The following SIRT1 variants were observed in gnomAD, a reference collection of about 807,000 sequenced individuals.
SIRT1 encodes the protein NAD-dependent protein deacetylase sirtuin-1.
In SIRT1, 24 loss-of-function variants were observed where a neutral mutation model predicts 67.9. The observed-to-expected ratio is 0.35, with a 90% CI of 0.26 to 0.50. SIRT1 has a LOEUF of 0.50. SIRT1 is among the 20% of genes least tolerant of loss of function. SIRT1 has a pLI of 0.98. For synonymous variants in SIRT1, 378 were observed against 350.7 expected, an observed-to-expected ratio of 1.08 and a Z score of -0.87; for missense variants, 873 against 937.2, an observed-to-expected ratio of 0.93 and a Z score of 0.89.
At position 67,916,764 on chromosome 10, in the gene SIRT1, C is replaced by A; in HGVS notation, c.*171C>A. On this transcript the variant is annotated 3_prime_UTR_variant, in exon 9 of 9. Transcript: ENST00000212015. ...TGGATAATTTTTAACTTCATTATTT[C>A]TGTACTTGTACAAACTCAACACTAA... is the stretch of plus-strand genomic sequence containing the variant. The A allele has an allele frequency of 2.2e-6, 1 of 464,580 alleles. No individual in the cohort carries two copies. The highest frequency in any genetic ancestry group is 3.2e-5 in the East Asian group (1 of 30,868). The allele number at this position is 464,580 out of a possible 1,614,324, so 28.8% of individuals were successfully genotyped here.
Position 67,889,094 on chromosome 10 carries a change from A to G in SIRT1, c.760A>G (p.Lys254Glu). Reference sequence around the variant, plus strand: ...TGCTGTGAAATTACTGCAAGAGTGCAAAAAAATTATAGTTCTAACTGGAGC... The same window carrying G: ...TGCTGTGAAATTACTGCAAGAGTGCGAAAAAATTATAGTTCTAACTGGAGC... The part of the protein sequence containing the change: ...EDAVKLLQEC[K>E]KIIVLTGAGV... Residue 254 changes from lysine to glutamate, a missense_variant, in exon 3 of 9, where the codon AAA becomes GAA. Transcript: ENST00000212015. The G allele has an allele frequency of 6.2e-7, 1 of 1,603,248 alleles. No homozygotes were observed. The highest frequency in any genetic ancestry group is 8.5e-7 in the Non-Finnish European group (1 of 1,178,872).
intron 3 of SIRT1, among the ~76,000 whole-genome samples, chr10:67,889,744 G>A (rs182653526): frequency 6.6e-5 from 10 of 152,260 alleles, no homozygotes; most frequent in East Asian, 3.9e-4. Flanking sequence ...TTCGAGTTGC[G>A]AAAGGGTGTT....
chr10:67,914,123 G>C (rs1842943855), intron 8 of SIRT1, among the ~76,000 whole-genome samples: 1 of 140,788 alleles, frequency 7.1e-6, no homozygotes. Flanking sequence ...CCAGGCTGGA[G>C]TGCAGTGGCA....
intron 7 of SIRT1, among the ~76,000 whole-genome samples, chr10:67,910,862 C>T (rs1010727311): frequency 2.0e-5 from 3 of 152,134 alleles, no homozygotes; most frequent in Non-Finnish European, 2.9e-5. Context: ...ATTTCAGTTG[C>T]ATCAGATGTG....
intron 7 of SIRT1, among the ~76,000 whole-genome samples, chr10:67,911,907 C>T (rs1842906422): frequency 6.6e-6 from 1 of 151,730 alleles, no homozygotes; most frequent in African/African-American, 2.4e-5. Context: ...GGATTAGAGG[C>T]ATGCGCTACC....
At position 67,908,079 on chromosome 10, in the gene SIRT1, A is replaced by C. The variant is rs1842847647; in HGVS notation, c.1124A>C (p.Lys375Thr). Residue 375 changes from lysine to threonine, a missense_variant, in exon 6 of 9, where the codon AAA (lysine) becomes ACA (threonine). Coordinates refer to ENST00000212015, the MANE Select transcript of SIRT1 (RefSeq NM_012238.5). Reference protein sequence around the residue: ...SFATASCLICKYKVDCEAVRG... With the variant: ...SFATASCLICTYKVDCEAVRG... ...GCAACAGCATCTTGCCTGATTTGTA[A>C]ATACAAAGTTGACTGTGAAGCTGTA... is the stretch of plus-strand genomic sequence containing the variant. 1.2e-6 allele frequency: 2 copies of C among 1,613,570 alleles called. No homozygotes were observed. Among genetic ancestry groups the C allele is most frequent in the Non-Finnish European group, 1.7e-6 (2 of 1,179,834 alleles).
At chr10:67,908,800 G>C (rs773255868) in intron 6 of SIRT1, among the ~76,000 whole-genome samples, 64 of 152,292 alleles carry the variant, frequency 4.2e-4, no homozygotes, top group Non-Finnish European at 7.3e-4. Flanking sequence ...TGCTTGGGAG[G>C]CTGAGGCAGG....
chr10:67,915,354 C>T (rs550948218), intron 8 of SIRT1, among the ~76,000 whole-genome samples: 6 of 152,120 alleles, frequency 3.9e-5, no homozygotes, highest in East Asian at 1.9e-4. Flanking sequence ...GGATAGAAAA[C>T]TTTTCCATCA....
At chr10:67,901,063 GT>G (rs1306545547) in intron 4 of SIRT1, among the ~76,000 whole-genome samples, 2 of 152,104 alleles carry the variant, frequency 1.3e-5, no homozygotes, top group Non-Finnish European at 2.9e-5. Context: ...AATAGAAATG[GT>G]GCTTATCCTA....
intron 8 of SIRT1, among the ~76,000 whole-genome samples, chr10:67,914,793 C>T (rs886639895): frequency 2.7e-5 from 4 of 149,618 alleles, no homozygotes; most frequent in South Asian, 2.1e-4. Context: ...CGGCAACCTC[C>T]GCCTCCCGGG....
rs942979857 is a variant in SIRT1 at position 67,917,441 on chromosome 10, T to C, written c.*848T>C. On this transcript the variant is annotated 3_prime_UTR_variant, in exon 9 of 9. Transcript: ENST00000212015. ...TTTGCCATTGTTGTTTAAATACCTA[T>C]CACTGTGGTAGAGCTTGCATTGATC... 1 of 152,624 alleles carries C rather than the reference T, an allele frequency of 6.6e-6. No individual in the cohort carries two copies. The highest frequency in any genetic ancestry group is 1.5e-5 in the Non-Finnish European group (1 of 68,024). The allele number at this position is 152,624 out of a possible 1,614,324, so 9.5% of individuals were successfully genotyped here. A position where few individuals can be genotyped will look rare whatever the true frequency, so the allele number is the denominator to read the frequency against.
At chr10:67,891,267 A>G (rs1356259354) in intron 3 of SIRT1, 135 bp from the exon 4 acceptor site, 1 of 697,994 alleles carries the variant, frequency 1.4e-6, no homozygotes, top group Admixed American at 2.9e-5. Context: ...GTAGGGTTGT[A>G]TTTTTATTTC....
chr10:67,894,736 A>C (rs1842625954), intron 4 of SIRT1, among the ~76,000 whole-genome samples: 1 of 152,000 alleles, frequency 6.6e-6, no homozygotes, highest in African/African-American at 2.4e-5. Context: ...TTTGAGATGG[A>C]GTCTTGCTCT....
At chr10:67,899,956 C>T (rs1160383875) in intron 4 of SIRT1, among the ~76,000 whole-genome samples, 4 of 151,946 alleles carry the variant, frequency 2.6e-5, no homozygotes, top group Middle Eastern at 3.4e-3. Context: ...TGGTGGCAAG[C>T]GCCTGTAGTC....
intron 7 of SIRT1, among the ~76,000 whole-genome samples, chr10:67,911,382 C>T (rs1213086266): frequency 2.0e-5 from 3 of 151,882 alleles, no homozygotes; most frequent in Non-Finnish European, 4.4e-5. Flanking sequence ...TTTGTAGAAA[C>T]GGGATTCACT....
intron 3 of SIRT1, among the ~76,000 whole-genome samples, chr10:67,890,744 CAA>C (rs1240011600): frequency 6.7e-5 from 10 of 149,068 alleles, no homozygotes; most frequent in African/African-American, 2.5e-4. Flanking sequence ...AGAAAAAAAA[CAA>C]AAAGCCGGGC....
chr10:67,890,604 G>A (rs1308577297), intron 3 of SIRT1, among the ~76,000 whole-genome samples: 1 of 151,928 alleles, frequency 6.6e-6, no homozygotes, highest in Non-Finnish European at 1.5e-5. Context: ...GTGCTGGTGC[G>A]TACTTGTAGT....
chr10:67,906,795 A>G lies in SIRT1; in HGVS notation c.948A>G (p.Ile316Met). Residue 316 changes from isoleucine (I) to methionine (M), a missense_variant, in exon 5 of 9, where the codon ATA becomes ATG. By Grantham distance (10) the Ile-to-Met change is conservative. This residue lies in a region of SIRT1 where 251 missense variants were observed against 358.8 expected (regional missense o/e 0.70). Coordinates refer to ENST00000212015, the MANE Select transcript of SIRT1 (RefSeq NM_012238.5). Reference protein sequence around the residue: ...PRPFFKFAKEIYPGQFQPSLC... With the variant: ...PRPFFKFAKEMYPGQFQPSLC... ...CTACCATTTGCTTGATACAGGAAATATATCCTGGACAATTCCAGCCATCTC... is the reference window on the plus strand; with the variant it reads ...CTACCATTTGCTTGATACAGGAAATGTATCCTGGACAATTCCAGCCATCTC... The G allele has an allele frequency of 6.2e-7, 1 of 1,611,270 alleles. No homozygotes were observed. The highest frequency in any genetic ancestry group is 1.1e-5 in the South Asian group (1 of 90,220).
At chr10:67,902,309 G>A (rs35679106) in intron 4 of SIRT1, among the ~76,000 whole-genome samples, 8,562 of 152,206 alleles carry the variant, frequency 0.056, 357 homozygotes, top group Non-Finnish European at 0.083. Flanking sequence ...CTTAATTATA[G>A]TCAGCAATAG....
Sources: allele counts gnomAD v4.1 joint callset (sites outside exome capture counted in the v4.1 genomes callset), GRCh38; gene constraint gnomAD v4.1.1; regional missense constraint gnomAD v4.1.1; transcripts MANE v1.5; gene names NCBI Gene and HGNC (gene_info 2026-07-23, HGNC 2026-07-21).